RBMXL3: variants seen among roughly 807,000 people sequenced by gnomAD.
The protein encoded by RBMXL3 is RBMX like 3.
A neutral mutation model predicts 0.8 loss-of-function variants in RBMXL3; 2 were observed. That is an observed-to-expected ratio of 2.54 (90% CI 1.04 to 8.00). The LOEUF is 8.00. RBMXL3 is among the 30% of genes most tolerant of loss of function. RBMXL3 has a pLI of 0.04. For synonymous variants in RBMXL3, 447 were observed against 449.8 expected (o/e 0.99, Z 0.08); for missense variants, 1,127 against 1,068.0 (o/e 1.06, Z -0.77).
rs782613086 is a variant in RBMXL3 at position 115,192,469 on chromosome X, C to T, written c.3028C>T (p.Arg1010Cys). 5.1e-5 allele frequency: 60 copies of T among 1,169,215 alleles called. No individual in the cohort carries two copies. Among genetic ancestry groups the T allele is most frequent in the Non-Finnish European group, 9.2e-6 (8 of 874,220 alleles). The change falls in exon 1 of 1, where the codon CGC becomes TGC. Residue 1010 changes from arginine (R) to cysteine (C), a missense_variant. By Grantham distance (180) the Arg-to-Cys change is radical (BLOSUM62 -3). Transcript: ENST00000424776. ...RSSNSYGRSD[R>C]YSRGRDRVGR... Reference sequence around the variant, plus strand: ...CAGCAACAGTTACGGCCGGAGCGACCGCTACTCGAGGGGTCGAGACCGGGT... The same window carrying T: ...CAGCAACAGTTACGGCCGGAGCGACTGCTACTCGAGGGGTCGAGACCGGGT...
In RBMXL3 at chrX:115,189,411, C is replaced by A. The variant is rs1178129080; in HGVS notation, c.-31C>A. The A allele has an allele frequency of 1.8e-5, 21 of 1,145,747 alleles. No individual in the cohort carries two copies. In the East Asian group the frequency reaches 6.9e-4, roughly 37 times the overall value. The allele number at this position is 1,145,747 out of a possible 1,213,427, so 94.4% of individuals were successfully genotyped here. A position where few individuals can be genotyped will look rare whatever the true frequency, so the allele number is the denominator to read the frequency against. On this transcript the variant is annotated 5_prime_UTR_variant, in exon 1 of 1. Coordinates refer to ENST00000424776, the MANE Select transcript of RBMXL3 (RefSeq NM_001145346.2). ...TGAACTGCCGCGTCATCACTTCCCA[C>A]TTCCTCTGACCCACCATTCGGCAGG...
In RBMXL3 at chrX:115,190,113, G is replaced by C. The variant is rs1191235648; in HGVS notation, c.672G>C (p.Lys224Asn). The C allele has an allele frequency of 8.7e-7, 1 of 1,155,517 alleles. No individual in the cohort carries two copies. Among genetic ancestry groups the C allele is most frequent in the Non-Finnish European group, 1.2e-6 (1 of 866,460 alleles). ...ARIGGSGMPG[K>N]APAVWGQDGY... The stretch of plus-strand genomic sequence containing the variant: ...TTGGCGGCAGTGGAATGCCTGGGAA[G>C]GCCCCGGCCGTGTGGGGGCAAGATG... Residue 224 changes from lysine (K) to asparagine (N), a missense_variant, in exon 1 of 1, where the codon AAG becomes AAC. Coordinates refer to ENST00000424776, the MANE Select transcript of RBMXL3 (RefSeq NM_001145346.2).
At position 115,192,157 on chromosome X, in the gene RBMXL3, C is replaced by T. The variant is rs1214872099; in HGVS notation, c.2716C>T (p.His906Tyr). 2.6e-6 allele frequency: 3 copies of T among 1,165,730 alleles called. No individual in the cohort carries two copies. In the African/African-American group the frequency reaches 5.4e-5, roughly 21 times the overall value. The change falls in exon 1 of 1, where the codon CAT (histidine) becomes TAT (tyrosine). Residue 906 changes from histidine to tyrosine, a missense_variant. Physicochemically the swap from His to Tyr is moderately conservative, Grantham distance 83. Transcript: ENST00000424776. Reference sequence around the variant, plus strand: ...CAGCAACAGCTATGGCCGGAGTGACCATTACGGAAGAGGAGGCTGCTACGA... The same window carrying T: ...CAGCAACAGCTATGGCCGGAGTGACTATTACGGAAGAGGAGGCTGCTACGA... ...SFSNSYGRSD[H>Y]YGRGGCYEEY...
Position 115,190,382 on chromosome X carries a change from C to G in RBMXL3, c.941C>G (p.Ala314Gly). The G allele has an allele frequency of 8.6e-7, 1 of 1,162,885 alleles. No individual in the cohort carries two copies. Among genetic ancestry groups the G allele is most frequent in the Non-Finnish European group, 1.1e-6 (1 of 870,476 alleles). The change falls in exon 1 of 1, where the codon GCC becomes GGC. Residue 314 changes from alanine to glycine, a missense_variant. Coordinates refer to ENST00000424776, the MANE Select transcript of RBMXL3 (RefSeq NM_001145346.2). Reference sequence around the variant, plus strand: ...AGCTACGGAGGCCCATGCGGCGCTGCCCCTGTGTGGGGGACACCGCCATCT... The same window carrying G: ...AGCTACGGAGGCCCATGCGGCGCTGGCCCTGTGTGGGGGACACCGCCATCT... ...LKSYGGPCGA[A>G]PVWGTPPSYG...
At position 115,192,576 on chromosome X, in the gene RBMXL3, C is replaced by T; in HGVS notation, c.3135C>T (p.Cys1045=). 1 of 1,170,477 alleles carries T rather than the reference C, an allele frequency of 8.5e-7. No individual in the cohort carries two copies. The highest frequency in any genetic ancestry group is 1.1e-6 in the Non-Finnish European group (1 of 874,348). The change falls in exon 1 of 1, where the codon TGC becomes TGT. Residue 1045 remains cysteine, a synonymous_variant. Transcript: ENST00000424776. ...PLHDSYSRSG[C]RVPRGGGRQG... ...ATGATTCTTACAGCCGGTCAGGCTG[C>T]AGGGTGCCCAGGGGCGGAGGCCGTC... is the stretch of plus-strand genomic sequence containing the variant.
chrX:115,192,161 A>C lies in RBMXL3; in HGVS notation c.2720A>C (p.Tyr907Ser). 2 of 1,166,826 alleles carry C rather than the reference A, an allele frequency of 1.7e-6. No homozygotes were observed. The highest frequency in any genetic ancestry group is 2.3e-6 in the Non-Finnish European group (2 of 872,846). ...FSNSYGRSDHYGRGGCYEEYQ... is the reference protein window; with the variant it reads ...FSNSYGRSDHSGRGGCYEEYQ... ...AACAGCTATGGCCGGAGTGACCATT[A>C]CGGAAGAGGAGGCTGCTACGAGGAA... is the stretch of plus-strand genomic sequence containing the variant. The change falls in exon 1 of 1, where the codon TAC becomes TCC. Residue 907 changes from tyrosine to serine, a missense_variant. Coordinates refer to ENST00000424776, the MANE Select transcript of RBMXL3 (RefSeq NM_001145346.2).
In RBMXL3 at chrX:115,191,903, A is replaced by G. The variant is rs2072833133; in HGVS notation, c.2462A>G (p.Asn821Ser). ...AGAGGAGGAGGCCGCTACGAGGAGA[A>G]CCGAGGTCACTCTCTCGATGCCAAC... ...PCRGGGRYEE[N>S]RGHSLDANSG... Residue 821 changes from asparagine to serine, a missense_variant, in exon 1 of 1, where the codon AAC becomes AGC. Physicochemically the swap from Asn to Ser is conservative, Grantham distance 46. Transcript: ENST00000424776. 1 of 1,164,280 alleles carries G rather than the reference A, an allele frequency of 8.6e-7. No homozygotes were observed. The highest frequency in any genetic ancestry group is 1.1e-6 in the Non-Finnish European group (1 of 872,059).
Position 115,190,632 on chromosome X carries a change from C to CAACGCCCACAGCGGAGGCCGCTCGCCG in RBMXL3, c.1191_1192insAACGCCCACAGCGGAGGCCGCTCGCCG (p.Pro397_Asp398insAsnAlaHisSerGlyGlyArgSerPro). On this transcript the variant is annotated inframe_insertion, in exon 1 of 1. Coordinates refer to ENST00000424776, the MANE Select transcript of RBMXL3 (RefSeq NM_001145346.2). ...ACGAGGAGTACAGAGGCCGCTCGCCCGACGCCCACAGCGGGGGCCGCAACA... is the reference window on the plus strand; with the variant it reads ...ACGAGGAGTACAGAGGCCGCTCGCCCAACGCCCACAGCGGAGGCCGCTCGCCGGACGCCCACAGCGGGGGCCGCAACA... The CAACGCCCACAGCGGAGGCCGCTCGCCG allele has an allele frequency of 2.6e-6, 3 of 1,155,994 alleles. No homozygotes were observed.
chrX:115,192,216 C>T lies in RBMXL3; in HGVS notation c.2775C>T (p.Gly925=), dbSNP rs782817269. The T allele has an allele frequency of 6.9e-6, 8 of 1,162,724 alleles. No homozygotes were observed. The South Asian group carries it at 7.6e-5, about 11-fold the overall frequency. ...AAGGCCGCTCGCCCAATGCCTACGG[C>T]GGGGGCCGCGGCCTCAACAGTTCCA... The part of the protein sequence containing the change: ...EYQGRSPNAY[G]GGRGLNSSNN... Residue 925 remains glycine, a synonymous_variant, in exon 1 of 1, where the codon GGC becomes GGT. Transcript: ENST00000424776.
Position 115,190,930 on chromosome X carries a change from A to T in RBMXL3, c.1489A>T (p.Asn497Tyr), listed in dbSNP as rs782489605. The T allele has an allele frequency of 1.7e-6, 2 of 1,160,493 alleles. No homozygotes were observed. The highest frequency in any genetic ancestry group is 2.3e-6 in the Non-Finnish European group (2 of 871,136). Residue 497 changes from asparagine (N) to tyrosine (Y), a missense_variant, in exon 1 of 1, where the codon AAT becomes TAT. By Grantham distance (143) the Asn-to-Tyr change is moderately radical. Coordinates refer to ENST00000424776, the MANE Select transcript of RBMXL3 (RefSeq NM_001145346.2). ...CGAGGCCTACAGTGGGGGCCACGAC[A>T]ATTCCAGCTGGAGCGACCGCTACGG... ...SPEAYSGGHD[N>Y]SSWSDRYGVG...
At position 115,192,021 on chromosome X, in the gene RBMXL3, C is replaced by G. The variant is rs1296849951; in HGVS notation, c.2580C>G (p.His860Gln). ...DRSHRYGGGG[H>Q]YEEYRGRSHD... The stretch of plus-strand genomic sequence containing the variant: ...GCCACCGCTATGGAGGAGGAGGCCA[C>G]TACGAAGAGTACCGAGGCCGCTCGC... The change falls in exon 1 of 1, where the codon CAC becomes CAG. Residue 860 changes from histidine (H) to glutamine (Q), a missense_variant. Transcript: ENST00000424776. 6 of 1,166,361 alleles carry G rather than the reference C, an allele frequency of 5.1e-6. No homozygotes were observed. The highest frequency in any genetic ancestry group is 1.9e-5 in the South Asian group (1 of 52,619).
In RBMXL3 at chrX:115,190,267, A is replaced by G. The variant is rs782807642; in HGVS notation, c.826A>G (p.Arg276Gly). Reference protein sequence around the residue: ...HSSVPDYRPLRGDGNQNGYRG... With the variant: ...HSSVPDYRPLGGDGNQNGYRG... ...CAGTGTCCCGGACTACCGTCCCTTG[A>G]GAGGCGACGGCAACCAAAATGGCTA... Residue 276 changes from arginine (R) to glycine (G), a missense_variant, in exon 1 of 1, where the codon AGA becomes GGA. Physicochemically the swap from Arg to Gly is moderately radical, Grantham distance 125. Transcript: ENST00000424776. 1.7e-6 allele frequency: 2 copies of G among 1,153,548 alleles called. No homozygotes were observed. Among genetic ancestry groups the G allele is most frequent in the South Asian group, 2.0e-5 (1 of 51,030 alleles).
chrX:115,190,629 G>GCCCAATGCCCACAGCGGAGGCCGCTCA lies in RBMXL3; in HGVS notation c.1191_1192insAATGCCCACAGCGGAGGCCGCTCACCC (p.Pro397_Asp398insAsnAlaHisSerGlyGlyArgSerPro). ...GCTACGAGGAGTACAGAGGCCGCTCGCCCGACGCCCACAGCGGGGGCCGCA... is the reference window on the plus strand; with the variant it reads ...GCTACGAGGAGTACAGAGGCCGCTCGCCCAATGCCCACAGCGGAGGCCGCTCACCCGACGCCCACAGCGGGGGCCGCA... On this transcript the variant is annotated inframe_insertion, in exon 1 of 1. Coordinates refer to ENST00000424776, the MANE Select transcript of RBMXL3 (RefSeq NM_001145346.2). The GCCCAATGCCCACAGCGGAGGCCGCTCA allele has an allele frequency of 1.7e-6, 2 of 1,157,416 alleles. No individual in the cohort carries two copies. Among genetic ancestry groups the GCCCAATGCCCACAGCGGAGGCCGCTCA allele is most frequent in the Non-Finnish European group, 2.3e-6 (2 of 865,650 alleles).
chrX:115,191,868 C>T lies in RBMXL3; in HGVS notation c.2427C>T (p.Asn809=), dbSNP rs781842556. The change falls in exon 1 of 1, where the codon AAC becomes AAT. Residue 809 remains asparagine, a synonymous_variant. Transcript: ENST00000424776. ...YSGGHNSSSR[N]DPCRGGGRYE... ...GGGGCCACAACAGTTCCAGCCGGAA[C>T]GACCCCTGCAGAGGAGGAGGCCGCT... is the stretch of plus-strand genomic sequence containing the variant. 29 of 1,161,537 alleles carry T rather than the reference C, an allele frequency of 2.5e-5. No homozygotes were observed. Among genetic ancestry groups the T allele is most frequent in the South Asian group, 3.8e-5 (2 of 52,230 alleles).
Position 115,192,166 on chromosome X carries a change from AGAG to A in RBMXL3, c.2730_2732del (p.Gly911del), listed in dbSNP as rs1339543688. ...CTATGGCCGGAGTGACCATTACGGA[AGAG>A]GAGGCTGCTACGAGGAATACCAAGG... On this transcript the variant is annotated inframe_deletion, in exon 1 of 1. Coordinates refer to ENST00000424776, the MANE Select transcript of RBMXL3 (RefSeq NM_001145346.2). The A allele has an allele frequency of 2.0e-5, 23 of 1,161,896 alleles. No individual in the cohort carries two copies. In the East Asian group the frequency reaches 5.6e-4, roughly 28 times the overall value.
In RBMXL3 at chrX:115,192,310, C is replaced by A; in HGVS notation, c.2869C>A (p.Pro957Thr). The A allele has an allele frequency of 8.6e-7, 1 of 1,160,213 alleles. No homozygotes were observed. The highest frequency in any genetic ancestry group is 2.3e-4 in the Middle Eastern group (1 of 4,292). Reference sequence around the variant, plus strand: ...CTACGAGGAGTACCGAGGCCCCTCGCCTGACGCCCACAGTGGGGGCCGCGA... The same window carrying A: ...CTACGAGGAGTACCGAGGCCCCTCGACTGACGCCCACAGTGGGGGCCGCGA... ...GRYEEYRGPS[P>T]DAHSGGRDSS... Residue 957 changes from proline to threonine, a missense_variant, in exon 1 of 1, where the codon CCT becomes ACT. Coordinates refer to ENST00000424776, the MANE Select transcript of RBMXL3 (RefSeq NM_001145346.2).
At position 115,191,467 on chromosome X, in the gene RBMXL3, T is replaced by C. The variant is rs2072818938; in HGVS notation, c.2026T>C (p.Leu676=). ...CCGCTACGAGGAGTACCGAGGCCGC[T>C]TGCTCGATGCCAACAGTGGAGGCCG... The part of the protein sequence containing the change: ...GGRYEEYRGR[L]LDANSGGRSP... The change falls in exon 1 of 1, where the codon TTG becomes CTG. Residue 676 remains leucine (L), a synonymous_variant. Transcript: ENST00000424776. The C allele has an allele frequency of 1.7e-6, 2 of 1,143,652 alleles. No individual in the cohort carries two copies. Among genetic ancestry groups the C allele is most frequent in the African/African-American group, 3.8e-5 (2 of 52,717 alleles). 94.2% of individuals were successfully genotyped at this position (1,143,652 alleles called of 1,213,427 possible). A position where few individuals can be genotyped will look rare whatever the true frequency, so the allele number is the denominator to read the frequency against.
chrX:115,190,751 G>A lies in RBMXL3; in HGVS notation c.1310G>A (p.Gly437Asp), dbSNP rs2072795374. ...RGRSHEARSG[G>D]RSTDAHSRGR... is the part of the protein sequence containing the mutation. ...CGCTCACACGAGGCCCGCAGCGGGG[G>A]CCGCTCCACTGATGCCCACAGCAGG... The change falls in exon 1 of 1, where the codon GGC (glycine) becomes GAC (aspartate). Residue 437 changes from glycine (G) to aspartate (D), a missense_variant. Physicochemically the swap from Gly to Asp is moderately conservative, Grantham distance 94. Coordinates refer to ENST00000424776, the MANE Select transcript of RBMXL3 (RefSeq NM_001145346.2). The A allele has an allele frequency of 8.6e-7, 1 of 1,164,698 alleles. No homozygotes were observed. The highest frequency in any genetic ancestry group is 2.6e-5 in the Admixed American group (1 of 38,468).
chrX:115,192,434 A>G lies in RBMXL3; in HGVS notation c.2993A>G (p.His998Arg), dbSNP rs2072849305. The G allele has an allele frequency of 1.7e-6, 2 of 1,166,965 alleles. No homozygotes were observed. The highest frequency in any genetic ancestry group is 2.3e-6 in the Non-Finnish European group (2 of 872,079). The change falls in exon 1 of 1, where the codon CAC (histidine) becomes CGC (arginine). Residue 998 changes from histidine to arginine, a missense_variant. Physicochemically the swap from His to Arg is conservative, Grantham distance 29 (BLOSUM62 0). Transcript: ENST00000424776. Reference protein sequence around the residue: ...GSLPDAYSGDHDRSSNSYGRS... With the variant: ...GSLPDAYSGDRDRSSNSYGRS... ...TTGCCTGACGCCTACAGCGGCGACCACGACAGATCCAGCAACAGTTACGGC... is the reference window on the plus strand; with the variant it reads ...TTGCCTGACGCCTACAGCGGCGACCGCGACAGATCCAGCAACAGTTACGGC...
Sources: allele counts gnomAD v4.1 joint callset, GRCh38; gene constraint gnomAD v4.1.1; transcripts MANE v1.5; gene names NCBI Gene and HGNC (gene_info 2026-07-23, HGNC 2026-07-21).